HMMR: variants seen among roughly 807,000 people sequenced by gnomAD.
HMMR encodes the protein intracellular hyaluronic acid-binding protein.
In HMMR, 108 loss-of-function variants were observed where a neutral mutation model predicts 101.0. The observed-to-expected ratio is 1.07, with a 90% CI of 0.92 to 1.25. HMMR has a LOEUF of 1.25. Among genes scored for constraint, HMMR ranks in the 50% most tolerant of loss-of-function variants. The pLI is 0.00. For synonymous variants in HMMR, 296 were observed against 276.4 expected (o/e 1.07, Z -0.70); for missense variants, 813 against 788.7 (o/e 1.03, Z -0.37).
At chr5:163,479,744 C>G (rs1481680029) in intron 12 of HMMR, among the ~76,000 whole-genome samples, 1 of 152,130 alleles carries the variant, frequency 6.6e-6, no homozygotes. Context: ...CTGTCTCACA[C>G]CACCAGTCAT....
intron 11 of HMMR, 34 bp from the exon 12 acceptor site, chr5:163,478,650 G>C (rs769397340): frequency 2.5e-6 from 3 of 1,207,878 alleles, no homozygotes; most frequent in Non-Finnish European, 3.7e-6. Context: ...AATTGTAGGT[G>C]GCATTTTATC....
chr5:163,467,740 G>T lies in HMMR; in HGVS notation c.265G>T (p.Glu89Ter). The T allele has an allele frequency of 6.6e-7, 1 of 1,515,640 alleles. No individual in the cohort carries two copies. Among genetic ancestry groups the T allele is most frequent in the South Asian group, 1.1e-5 (1 of 88,110 alleles). 93.9% of individuals were successfully genotyped at this position (1,515,640 alleles called of 1,614,324 possible). Reference protein sequence around the residue: ...QKNDKDLKILEKEIRVLLQER... With the variant: ...QKNDKDLKIL ...GAATGATAAAGATTTGAAGATATTAGAGAAAGAGGTAAGCAGTGCTTTAAA... is the reference window on the plus strand; with the variant it reads ...GAATGATAAAGATTTGAAGATATTATAGAAAGAGGTAAGCAGTGCTTTAAA... The change falls in exon 4 of 18, where the codon GAG becomes TAG. Residue 89 changes from glutamate (E) to a stop codon, truncating the protein, a stop_gained. Transcript: ENST00000393915. LOFTEE classifies it high-confidence loss of function.
chr5:163,488,965 T>A (rs558181585), intron 16 of HMMR, among the ~76,000 whole-genome samples: 1 of 152,222 alleles, frequency 6.6e-6, no homozygotes, highest in Admixed American at 6.5e-5. Context: ...TGTTCTTTAA[T>A]GGTTCCCCAA....
chr5:163,485,114 G>A (rs1267424870), intron 16 of HMMR, among the ~76,000 whole-genome samples: 1 of 151,938 alleles, frequency 6.6e-6, no homozygotes. Flanking sequence ...TTTTTCCTGG[G>A]ACATATTATT....
chr5:163,483,161 TGAA>T lies in HMMR; in HGVS notation c.1679_1681del (p.Glu560del), dbSNP rs781018251. On this transcript the variant is annotated inframe_deletion, in exon 14 of 18. Transcript: ENST00000393915. ...AAGACTTTAGAAAACAGCTGGAAGA[TGAA>T]GAAGGAAGGTAATCTATGATTAGAA... The T allele has an allele frequency of 1.2e-6, 2 of 1,610,502 alleles. No individual in the cohort carries two copies. The highest frequency in any genetic ancestry group is 1.7e-6 in the Non-Finnish European group (2 of 1,179,026).
rs1759653111 is a variant in HMMR at position 163,490,448 on chromosome 5, A to T, written c.2021A>T (p.Gln674Leu). 6.2e-7 allele frequency: 1 copy of T among 1,600,138 alleles called. No individual in the cohort carries two copies. ...AAAAAACAAAGTGAGACAAAACTTCAAGAGGAATTGAATAAAGTTCTAGGT... is the reference window on the plus strand; with the variant it reads ...AAAAAACAAAGTGAGACAAAACTTCTAGAGGAATTGAATAAAGTTCTAGGT... ...AKKKQSETKLQEELNKVLGIK... is the reference protein window; with the variant it reads ...AKKKQSETKLLEELNKVLGIK... The change falls in exon 17 of 18, where the codon CAA becomes CTA. Residue 674 changes from glutamine to leucine, a missense_variant. Coordinates refer to ENST00000393915, the MANE Select transcript of HMMR (RefSeq NM_001142556.2).
In HMMR at chr5:163,484,204, C is replaced by A. The variant is rs1192456920; in HGVS notation, c.1921C>A (p.His641Asn). 6.2e-7 allele frequency: 1 copy of A among 1,601,520 alleles called. No homozygotes were observed. Among genetic ancestry groups the A allele is most frequent in the Admixed American group, 1.7e-5 (1 of 57,658 alleles). The change falls in exon 16 of 18, where the codon CAT (histidine) becomes AAT (asparagine). Residue 641 changes from histidine (H) to asparagine (N), a missense_variant. Transcript: ENST00000393915. ...GHQNLKQKIK[H>N]VVKLKDENSQ... is the part of the protein sequence containing the mutation. ...TCAGAATTTGAAACAAAAAATCAAG[C>A]ATGTTGTGAAGTTGAAAGATGAAAA...
chr5:163,479,942 C>G (rs1335211672), intron 12 of HMMR, among the ~76,000 whole-genome samples: 1 of 152,046 alleles, frequency 6.6e-6, no homozygotes, highest in East Asian at 1.9e-4. Flanking sequence ...TAATGAATAC[C>G]TATATATTAA....
chr5:163,475,454 A>G lies in HMMR; in HGVS notation c.1054-4A>G, dbSNP rs771627712. The G allele has an allele frequency of 6.4e-7, 1 of 1,551,294 alleles. No homozygotes were observed. The highest frequency in any genetic ancestry group is 8.8e-7 in the Non-Finnish European group (1 of 1,136,304). On this transcript the variant is annotated splice_polypyrimidine_tract_variant and splice_region_variant and intron_variant, in intron 10 of 17. Coordinates refer to ENST00000393915, the MANE Select transcript of HMMR (RefSeq NM_001142556.2). ...TATTTTGGTGGTTTTCTGTTTGGAT[A>G]TAGGAATTATCTTCGAGTCTTCATC...
At chr5:163,489,875 C>T (rs1050130735) in intron 16 of HMMR, among the ~76,000 whole-genome samples, 2 of 152,200 alleles carry the variant, frequency 1.3e-5, no homozygotes, top group Non-Finnish European at 2.9e-5. Flanking sequence ...TTGGCTGTAG[C>T]CGTCTGGCGT....
At position 163,475,665 on chromosome 5, in the gene HMMR, C is replaced by T. The variant is rs762800063; in HGVS notation, c.1261C>T (p.Leu421=). The change falls in exon 11 of 18, where the codon CTG becomes TTG. Residue 421 remains leucine (L), a synonymous_variant. Coordinates refer to ENST00000393915, the MANE Select transcript of HMMR (RefSeq NM_001142556.2). The part of the protein sequence containing the change: ...AEELKLLEEK[L]KGKEAELEKS... ...AGAATTAAAACTCCTAGAAGAAAAGCTGAAAGGGTTTGTATTAATAGGATC... is the reference window on the plus strand; with the variant it reads ...AGAATTAAAACTCCTAGAAGAAAAGTTGAAAGGGTTTGTATTAATAGGATC... The T allele has an allele frequency of 1.9e-6, 3 of 1,583,938 alleles. No individual in the cohort carries two copies. Among genetic ancestry groups the T allele is most frequent in the South Asian group, 1.1e-5 (1 of 89,430 alleles).
chr5:163,483,352 A>G lies in HMMR; in HGVS notation c.1770A>G (p.Lys590=), dbSNP rs1759345528. ...WRLLYEELYN[K]TKPFQLQLDA... is the part of the protein sequence containing the mutation. ...TCCTCTATGAAGAACTATATAATAA[A>G]ACAAAACCTTTTCAGGTTTGTCAGT... Residue 590 remains lysine, a synonymous_variant, in exon 15 of 18, where the codon AAA becomes AAG. Transcript: ENST00000393915. 4.4e-6 allele frequency: 7 copies of G among 1,573,718 alleles called. No individual in the cohort carries two copies. Among genetic ancestry groups the G allele is most frequent in the Non-Finnish European group, 6.1e-6 (7 of 1,147,818 alleles).
At position 163,480,227 on chromosome 5, in the gene HMMR, CCT is replaced by C. The variant is rs774881503; in HGVS notation, c.1385+1428_1385+1429del. On this transcript the variant is annotated intron_variant, in intron 12 of 17. Coordinates refer to ENST00000393915, the MANE Select transcript of HMMR (RefSeq NM_001142556.2). The stretch of plus-strand genomic sequence containing the variant: ...CTAATTATTTCCTTGCTTTTTCCCC[CCT>C]GTGTATTATAATTTTATGACACGTA... Among the ~76,000 whole-genome samples the C allele has an allele frequency of 5.5e-4, 84 of 152,234 alleles. 1 individual carries two copies. Among genetic ancestry groups the C allele is most frequent in the Non-Finnish European group, 9.9e-4 (67 of 68,002 alleles).
Position 163,463,949 on chromosome 5 carries a change from A to T in HMMR, c.140A>T (p.Gln47Leu), listed in dbSNP as rs1184605574. The T allele has an allele frequency of 2.5e-6, 3 of 1,192,520 alleles. No homozygotes were observed. The highest frequency in any genetic ancestry group is 2.7e-5 in the Admixed American group (1 of 37,174). 73.9% of individuals were successfully genotyped at this position (1,192,520 alleles called of 1,614,324 possible). The change falls in exon 2 of 18, where the codon CAA (glutamine) becomes CTA (leucine). Residue 47 changes from glutamine to leucine, a missense_variant. Physicochemically the swap from Gln to Leu is moderately radical, Grantham distance 113. Transcript: ENST00000393915. ...CAGAAATCACAAAGATTTAAACAAC[A>T]AAAAGGTAATATAGATCACCAAAGA... is the stretch of plus-strand genomic sequence containing the variant. ...SFQKSQRFKQQKESKQNLNVD... is the reference protein window; with the variant it reads ...SFQKSQRFKQLKESKQNLNVD...
intron 1 of HMMR, 43 bp downstream of exon 1, chr5:163,460,781 C>T (rs778242139): frequency 1.9e-6 from 3 of 1,560,392 alleles, no homozygotes; most frequent in Non-Finnish European, 2.6e-6. Context: ...GACGCCCTAA[C>T]GCCCTTTGCC....
In HMMR at chr5:163,468,025, A is replaced by G. The variant is rs1003306992; in HGVS notation, c.273+277A>G. ...TTATGTCAGTTGATTACAATTATAT[A>G]TGTGGATCAAATATTTATATCTATC... is the stretch of plus-strand genomic sequence containing the variant. On this transcript the variant is annotated intron_variant, in intron 4 of 17. Coordinates refer to ENST00000393915, the MANE Select transcript of HMMR (RefSeq NM_001142556.2). Among the ~76,000 whole-genome samples, 4 of 152,248 alleles carry G rather than the reference A, an allele frequency of 2.6e-5. No individual in the cohort carries two copies. In the East Asian group the frequency reaches 5.8e-4, roughly 22 times the overall value.
chr5:163,468,460 G>A (rs1758769124), intron 4 of HMMR, among the ~76,000 whole-genome samples: 1 of 152,124 alleles, frequency 6.6e-6, no homozygotes, highest in Admixed American at 6.5e-5. Context: ...TTGCTTCTCT[G>A]CAGTCTTTTT....
chr5:163,475,133 C>T (rs1352844228), intron 10 of HMMR, among the ~76,000 whole-genome samples: 1 of 151,916 alleles, frequency 6.6e-6, no homozygotes, highest in Non-Finnish European at 1.5e-5. Flanking sequence ...AATCACCACA[C>T]ACTTTTTACA....
intron 7 of HMMR, 95 bp from the exon 8 acceptor site, chr5:163,473,084 C>A: frequency 1.6e-6 from 1 of 643,112 alleles, no homozygotes; most frequent in Non-Finnish European, 2.8e-6. Flanking sequence ...CTGTAGTCAG[C>A]CTGCCTGATA....
Sources: allele counts gnomAD v4.1 joint callset (sites outside exome capture counted in the v4.1 genomes callset), GRCh38; gene constraint gnomAD v4.1.1; transcripts MANE v1.5; gene names NCBI Gene and HGNC (gene_info 2026-07-23, HGNC 2026-07-21).